The following HMBOX1 variants were observed in gnomAD, a reference collection of about 807,000 sequenced individuals.
HMBOX1 encodes homeobox containing 1.
Under a neutral mutation model 54.5 loss-of-function variants are expected in HMBOX1, and 14 were observed. The observed-to-expected ratio is 0.26, with a 90% CI of 0.17 to 0.40. The LOEUF is 0.40. HMBOX1 is among the 10% of genes least tolerant of loss of function. The pLI is 1.00. For synonymous variants in HMBOX1, 160 were observed against 181.0 expected, an observed-to-expected ratio of 0.88 and a Z score of 0.93; for missense variants, 332 against 514.4, an observed-to-expected ratio of 0.65 and a Z score of 3.43.
At chr8:28,906,072 C>T (rs1814276112) in intron 1 of HMBOX1, among the ~76,000 whole-genome samples, 1 of 152,122 alleles carries the variant, frequency 6.6e-6, no homozygotes, top group Admixed American at 6.5e-5. Flanking sequence ...TCAGAGAGGT[C>T]CAGAAACCAG....
intron 1 of HMBOX1, among the ~76,000 whole-genome samples, chr8:28,958,311 A>G (rs1366132055): frequency 6.6e-6 from 1 of 152,122 alleles, no homozygotes; most frequent in African/African-American, 2.4e-5. Flanking sequence ...TTTTCTAGAC[A>G]TTGTATTGCC....
Position 28,892,564 on chromosome 8 carries a change from A to G in HMBOX1, c.-58+1886A>G, listed in dbSNP as rs145218783. ...TTATCAATTCTTGAATCTGCCACCT[A>G]TCATCAGTAAGGGACCTTTAGATTC... On this transcript the variant is annotated intron_variant, in intron 1 of 9. Coordinates refer to ENST00000287701, the MANE Select transcript of HMBOX1 (RefSeq NM_001135726.3). Among the ~76,000 whole-genome samples, 199 of 152,296 alleles carry G rather than the reference A, an allele frequency of 1.3e-3. 1 individual carries two copies. The East Asian group carries it at 0.025, about 19-fold the overall frequency.
intron 6 of HMBOX1, among the ~76,000 whole-genome samples, chr8:29,028,845 G>A (rs892815675): frequency 3.9e-5 from 6 of 152,246 alleles, no homozygotes; most frequent in Middle Eastern, 3.4e-3. Flanking sequence ...CTCTTTTATA[G>A]CAATCTCTGA....
At chr8:29,034,831 G>C (rs1402935389) in intron 6 of HMBOX1, among the ~76,000 whole-genome samples, 2 of 152,066 alleles carry the variant, frequency 1.3e-5, no homozygotes, top group African/African-American at 4.8e-5. Flanking sequence ...TACTCCAGCC[G>C]GGGCAGCAGA....
intron 1 of HMBOX1, among the ~76,000 whole-genome samples, chr8:28,951,799 G>A (rs936109827): frequency 3.9e-5 from 6 of 152,196 alleles, no homozygotes; most frequent in Non-Finnish European, 5.9e-5. Context: ...CTCTGCAGGA[G>A]TTTTGTGTTG....
chr8:28,925,577 A>G (rs917467159), intron 1 of HMBOX1, among the ~76,000 whole-genome samples: 1 of 152,196 alleles, frequency 6.6e-6, no homozygotes, highest in African/African-American at 2.4e-5. Flanking sequence ...AAAGCACTGC[A>G]GGTAAACCAC....
chr8:29,024,545 CAG>C (rs556279558), intron 6 of HMBOX1, among the ~76,000 whole-genome samples: 100 of 152,054 alleles, frequency 6.6e-4, no homozygotes, highest in African/African-American at 2.2e-3. Context: ...TGCATATAAT[CAG>C]GGGGAAATAA....
At chr8:29,044,601 T>C (rs1278609658) in intron 6 of HMBOX1, among the ~76,000 whole-genome samples, 2 of 152,238 alleles carry the variant, frequency 1.3e-5, no homozygotes, top group Non-Finnish European at 1.5e-5. Context: ...TTAAGCTTAC[T>C]GTGTAGTCTT....
chr8:28,993,465 T>A (rs1404835414), intron 4 of HMBOX1, among the ~76,000 whole-genome samples: 1 of 152,188 alleles, frequency 6.6e-6, no homozygotes, highest in Non-Finnish European at 1.5e-5. Flanking sequence ...AACCTACATG[T>A]CCACCAGTAA....
At chr8:28,996,528 A>G (rs1831865683) in intron 4 of HMBOX1, among the ~76,000 whole-genome samples, 2 of 152,140 alleles carry the variant, frequency 1.3e-5, no homozygotes, top group African/African-American at 4.8e-5. Context: ...CTGAGGAAGG[A>G]GAATCATTTG....
intron 1 of HMBOX1, among the ~76,000 whole-genome samples, chr8:28,903,519 TC>T (rs1183771956): frequency 6.6e-6 from 1 of 152,246 alleles, no homozygotes; most frequent in Non-Finnish European, 1.5e-5. Flanking sequence ...GTTTTTTCTT[TC>T]TTTTTTCCTT....
chr8:28,991,383 T>G (rs1404339786), intron 4 of HMBOX1, among the ~76,000 whole-genome samples: 1 of 152,230 alleles, frequency 6.6e-6, no homozygotes, highest in Non-Finnish European at 1.5e-5. Flanking sequence ...TATGTCCTTG[T>G]GATGCCTGAG....
chr8:28,994,210 C>T (rs1158058467), intron 4 of HMBOX1, among the ~76,000 whole-genome samples: 1 of 150,016 alleles, frequency 6.7e-6, no homozygotes, highest in African/African-American at 2.4e-5. Context: ...AAAGAGTTGG[C>T]CAAATTTGCC....
chr8:29,045,459 C>T lies in HMBOX1; in HGVS notation c.934+16C>T. The T allele has an allele frequency of 6.2e-7, 1 of 1,602,370 alleles. No individual in the cohort carries two copies. Among genetic ancestry groups the T allele is most frequent in the Non-Finnish European group, 8.6e-7 (1 of 1,169,456 alleles). ...CAGAAGCCAGGTAAGGTCGCAGGCA[C>T]AGCCTTGCTCTGCGGTGCAGCACAG... On this transcript the variant is annotated intron_variant, in intron 7 of 9. Transcript: ENST00000287701.
At chr8:29,026,091 G>A (rs1405024608) in intron 6 of HMBOX1, among the ~76,000 whole-genome samples, 2 of 148,960 alleles carry the variant, frequency 1.3e-5, no homozygotes, top group Non-Finnish European at 3.0e-5. Context: ...CAGTTTTCCT[G>A]CCTCTTAACA....
intron 7 of HMBOX1, 30 bp downstream of exon 7, chr8:29,045,473 G>C: frequency 6.4e-7 from 1 of 1,558,012 alleles, no homozygotes; most frequent in Non-Finnish European, 8.9e-7. Flanking sequence ...CTTGCTCTGC[G>C]GTGCAGCACA....
intron 6 of HMBOX1, among the ~76,000 whole-genome samples, chr8:29,021,626 C>T (rs573189777): frequency 2.6e-4 from 39 of 151,656 alleles, no homozygotes; most frequent in Non-Finnish European, 4.6e-4. Context: ...GAGGCCGAGG[C>T]GGGCGGATCA....
chr8:28,894,435 A>C (rs1035372458), intron 1 of HMBOX1, among the ~76,000 whole-genome samples: 1 of 152,128 alleles, frequency 6.6e-6, no homozygotes, highest in Admixed American at 6.5e-5. Flanking sequence ...TGTTGTCCAC[A>C]TTATAGAAGC....
At chr8:29,040,547 G>C (rs1804662785) in intron 6 of HMBOX1, among the ~76,000 whole-genome samples, 2 of 152,238 alleles carry the variant, frequency 1.3e-5, no homozygotes, top group Non-Finnish European at 2.9e-5. Flanking sequence ...AAACATTACA[G>C]AAATAGAGAA....
Sources: gnomAD v4.1 joint callset for allele counts (sites outside exome capture counted in the v4.1 genomes callset) on GRCh38, gnomAD v4.1.1 for gene constraint, MANE v1.5 for transcripts, NCBI Gene and HGNC (gene_info 2026-07-23, HGNC 2026-07-21) for gene names.